The following GOLGA1 variants were observed in gnomAD, a reference collection of about 807,000 sequenced individuals.
The protein encoded by GOLGA1 is golgin subfamily A member 1.
In GOLGA1, 63 loss-of-function variants were observed where a neutral mutation model predicts 119.7. The ratio of observed to expected loss-of-function variants is 0.53; its 90% CI spans 0.43 to 0.65. GOLGA1 has a LOEUF of 0.65. GOLGA1 is among the 30% of genes least tolerant of loss of function. The probability of loss-of-function intolerance (pLI) is 0.00; values close to 1 mark genes in which losing one functional copy is unlikely to be tolerated. For missense variants in GOLGA1, 798 were observed against 912.8 expected (o/e 0.87, Z 1.62); for synonymous variants, 318 against 333.4 (o/e 0.95, Z 0.50).
chr9:124,919,078 A>G (rs1203096258), intron 10 of GOLGA1, among the ~76,000 whole-genome samples: 3 of 151,858 alleles, frequency 2.0e-5, no homozygotes, highest in Admixed American at 2.0e-4. Flanking sequence ...GCGAAACCCC[A>G]TCTCTACAGA....
intron 3 of GOLGA1, 69 bp from the exon 4 acceptor site, chr9:124,931,475 G>T: frequency 1.3e-6 from 1 of 791,004 alleles, no homozygotes; most frequent in South Asian, 1.4e-5. Flanking sequence ...GCCAGAAAGT[G>T]ACAAGTCTTA....
intron 3 of GOLGA1, among the ~76,000 whole-genome samples, chr9:124,936,229 T>C (rs889350436): frequency 1.3e-5 from 2 of 152,142 alleles, no homozygotes; most frequent in African/African-American, 4.8e-5. Flanking sequence ...TTATATTTCC[T>C]CTTAAATATA....
At chr9:124,930,038 G>A (rs563808628) in intron 4 of GOLGA1, among the ~76,000 whole-genome samples, 1 of 151,992 alleles carries the variant, frequency 6.6e-6, no homozygotes, top group Non-Finnish European at 1.5e-5. Flanking sequence ...AACATTTTAC[G>A]TGCCTTAAGT....
At chr9:124,922,153 G>A (rs920061032) in intron 8 of GOLGA1, among the ~76,000 whole-genome samples, 18 of 151,906 alleles carry the variant, frequency 1.2e-4, no homozygotes, top group African/African-American at 3.9e-4. Context: ...ACTTGAACCC[G>A]GGAGGTGGAG....
chr9:124,918,075 C>A (rs952009897), intron 10 of GOLGA1, among the ~76,000 whole-genome samples: 11 of 152,296 alleles, frequency 7.2e-5, no homozygotes, highest in Admixed American at 7.2e-4. Context: ...TGGTCTCGAA[C>A]TCCCAACCTC....
intron 19 of GOLGA1, among the ~76,000 whole-genome samples, 164 bp from the exon 20 acceptor site, chr9:124,882,733 A>G (rs1829619866): frequency 6.6e-6 from 1 of 152,104 alleles, no homozygotes; most frequent in African/African-American, 2.4e-5. Context: ...GCTTGTGCCT[A>G]CGACTGTTGG....
chr9:124,945,568 T>A (rs976330719), upstream of GOLGA1: 1 of 151,962 alleles, frequency 6.6e-6, no homozygotes, highest in Non-Finnish European at 1.5e-5. Context: ...AAAAAAAAAT[T>A]ATTAATTTTT....
In GOLGA1 at chr9:124,921,739, T is replaced by A; in HGVS notation, c.715A>T (p.Thr239Ser). The A allele has an allele frequency of 6.2e-7, 1 of 1,613,848 alleles. No homozygotes were observed. Among genetic ancestry groups the A allele is most frequent in the Non-Finnish European group, 8.5e-7 (1 of 1,179,784 alleles). ...KLEELQRHYS[T>S]LEEQRDHVIA... ...AGCAAGAACCTCTGCTCTTCCAGCG[T>A]TGAGTAGTGTCTCTGCAATTCTTCT... The change falls in exon 9 of 23, where the codon ACG becomes TCG. Residue 239 changes from threonine to serine, a missense_variant. Thr to Ser is a moderately conservative substitution (Grantham distance 58, BLOSUM62 1). Transcript: ENST00000373555.
chr9:124,910,584 T>C (rs1394121207), intron 11 of GOLGA1, among the ~76,000 whole-genome samples: 3 of 152,178 alleles, frequency 2.0e-5, no homozygotes, highest in African/African-American at 7.2e-5. Context: ...CCAATTTTAT[T>C]GGGGAGGAAG....
At chr9:124,914,455 C>A (rs1245966418) in intron 10 of GOLGA1, among the ~76,000 whole-genome samples, 3 of 151,826 alleles carry the variant, frequency 2.0e-5, no homozygotes, top group Non-Finnish European at 2.9e-5. Flanking sequence ...GAGCCAAGAT[C>A]GCGCCACTGC....
chr9:124,929,356 C>A, intron 4 of GOLGA1, 66 bp from the exon 5 acceptor site: 5 of 951,056 alleles, frequency 5.3e-6, no homozygotes, highest in Admixed American at 3.7e-5. Flanking sequence ...GTTAATTAAA[C>A]AAAAAAATGA....
intron 10 of GOLGA1, among the ~76,000 whole-genome samples, chr9:124,915,904 C>T (rs1185764725): frequency 6.6e-6 from 1 of 152,018 alleles, no homozygotes; most frequent in East Asian, 1.9e-4. Flanking sequence ...GAGTTCAAGA[C>T]CAGCCTGACC....
chr9:124,929,632 C>T (rs1296620982), intron 4 of GOLGA1, among the ~76,000 whole-genome samples: 1 of 152,146 alleles, frequency 6.6e-6, no homozygotes, highest in Admixed American at 6.5e-5. Context: ...GTTTCCACTT[C>T]CTTTTCCGGT....
In GOLGA1 at chr9:124,881,081, G is replaced by C; in HGVS notation, c.2223+90C>G. The C allele has an allele frequency of 1.3e-6, 1 of 777,644 alleles. No individual in the cohort carries two copies. Among genetic ancestry groups the C allele is most frequent in the Non-Finnish European group, 2.4e-6 (1 of 425,246 alleles). 48.2% of individuals were successfully genotyped at this position (777,644 alleles called of 1,614,324 possible). ...TGCAGCTGTGCTGGTGCCTACACTC[G>C]GGTGTGGGTCTAAGGGGTCTTACAC... On this transcript the variant is annotated intron_variant, in intron 22 of 22. Coordinates refer to ENST00000373555, the MANE Select transcript of GOLGA1 (RefSeq NM_002077.4). The surrounding 1 kb of genome is among the most constrained non-coding windows in gnomAD (Gnocchi z 4.9).
At chr9:124,919,671 A>G (rs1367392082) in intron 10 of GOLGA1, among the ~76,000 whole-genome samples, 1 of 152,162 alleles carries the variant, frequency 6.6e-6, no homozygotes, top group African/African-American at 2.4e-5. Context: ...TACTGTAATT[A>G]TGTTGTAAGG....
rs536020449 is a variant in GOLGA1, at chr9:124,901,164, G to A, written c.1066-617C>T. 5.9e-5 allele frequency among the ~76,000 whole-genome samples: 9 copies of A among 151,762 alleles called. 1 individual carries two copies. The highest frequency in any genetic ancestry group is 2.2e-4 in the African/African-American group (9 of 41,376). On this transcript the variant is annotated intron_variant, in intron 12 of 22. Transcript: ENST00000373555. ...TTTTTTGTATTTTTAGTACAGACAG[G>A]GTTTCACTGTGCTAGCCAGGATGGT...
intron 15 of GOLGA1, among the ~76,000 whole-genome samples, chr9:124,893,808 TGCTTTG>T (rs1564325574): frequency 1.3e-5 from 2 of 152,232 alleles, no homozygotes; most frequent in Admixed American, 6.5e-5. Context: ...CGGCAAAAGC[TGCTTTG>T]CATGCTGGAC....
At position 124,930,018 on chromosome 9, in the gene GOLGA1, C is replaced by A. The variant is rs543413116; in HGVS notation, c.227-728G>T. On this transcript the variant is annotated intron_variant, in intron 4 of 22. Coordinates refer to ENST00000373555, the MANE Select transcript of GOLGA1 (RefSeq NM_002077.4). ...TTAATTGTACCTACCACAAAAGATG[C>A]ATTAGATAAAACATTTTACGTGCCT... Among the ~76,000 whole-genome samples the A allele has an allele frequency of 2.0e-5, 3 of 152,270 alleles. No homozygotes were observed. In the South Asian group the frequency reaches 6.2e-4, roughly 32 times the overall value.
At chr9:124,895,570 A>G (rs1438740016) in intron 15 of GOLGA1, among the ~76,000 whole-genome samples, 4 of 150,444 alleles carry the variant, frequency 2.7e-5, no homozygotes, top group Non-Finnish European at 5.9e-5. Context: ...GACCCTCCAC[A>G]ACAAAGAACC....
Sources: gnomAD v4.1 joint callset for allele counts (sites outside exome capture counted in the v4.1 genomes callset) on GRCh38, gnomAD v4.1.1 for gene constraint, Gnocchi (gnomAD v3.1) non-coding constraint, MANE v1.5 for transcripts, NCBI Gene and HGNC (gene_info 2026-07-23, HGNC 2026-07-21) for gene names.